Variants in OR52A5 observed in about 807,000 individuals in gnomAD.
The protein encoded by OR52A5 is olfactory receptor 52A5.
OR52A5 carries 16 observed loss-of-function variants against 18.2 expected under a neutral mutation model. The observed-to-expected ratio is 0.88, with a 90% CI of 0.60 to 1.34. The LOEUF is 1.34. Among genes scored for constraint, OR52A5 ranks in the 40% most tolerant of loss-of-function variants. The probability of loss-of-function intolerance (pLI) is 0.00; values close to 1 mark genes in which losing one functional copy is unlikely to be tolerated. For missense variants in OR52A5, 418 were observed against 383.0 expected (o/e 1.09, Z -0.76); for synonymous variants, 140 against 137.2 (o/e 1.02, Z -0.14).
intron 1 of OR52A5, among the ~76,000 whole-genome samples, chr11:5,134,097 C>A (rs1205573418): frequency 1.3e-5 from 2 of 152,156 alleles, no homozygotes; most frequent in Non-Finnish European, 2.9e-5. Context: ...TTCTCATCAT[C>A]CAAAGCTCAA....
chr11:5,136,982 G>T (rs565090405), intron 1 of OR52A5, among the ~76,000 whole-genome samples: 353 of 152,286 alleles, frequency 2.3e-3, no homozygotes, highest in African/African-American at 8.2e-3. Context: ...GAGAGCAAGG[G>T]CATAGTAAGA....
At position 5,132,490 on chromosome 11, in the gene OR52A5, G is replaced by A; in HGVS notation, c.153C>T (p.Ile51=). 1.2e-6 allele frequency: 2 copies of A among 1,614,112 alleles called. No homozygotes were observed. Among genetic ancestry groups the A allele is most frequent in the South Asian group, 2.2e-5 (2 of 91,068 alleles). ...VIGNSLILVI[I]KYENSLHIPM... ...GTATATGGAGGCTGTTTTCATATTT[G>A]ATTATAACTAAAATTAGGGAATTTC... Residue 51 remains isoleucine, a synonymous_variant, in exon 2 of 2, where the codon ATC becomes ATT. Coordinates refer to ENST00000307388, the MANE Select transcript of OR52A5 (RefSeq NM_001005160.3).
rs74051331 is a variant in OR52A5 at position 5,133,459 on chromosome 11, T to C, written c.-60-757A>G. 5.4e-3 allele frequency among the ~76,000 whole-genome samples: 809 copies of C among 149,986 alleles called. 11 individuals carry two copies. Among genetic ancestry groups the C allele is most frequent in the African/African-American group, 0.019 (773 of 41,128 alleles). On this transcript the variant is annotated intron_variant, in intron 1 of 1. Transcript: ENST00000307388. ...CAAGTTTGACTGAAATGTTCTTTAG[T>C]TTTGAAATCCACTGGCTGTTTTTTT...
Position 5,130,737 on chromosome 11 carries a change from T to C in OR52A5, c.*955A>G, listed in dbSNP as rs1846329111. 1.3e-5 allele frequency: 2 copies of C among 152,156 alleles called. No individual in the cohort carries two copies. Among genetic ancestry groups the C allele is most frequent in the Admixed American group, 6.5e-5 (1 of 15,278 alleles). The allele number at this position is 152,156 out of a possible 1,614,324, so 9.4% of individuals were successfully genotyped here. A position where few individuals can be genotyped will look rare whatever the true frequency, so the allele number is the denominator to read the frequency against. ...TTTTTTACATCAGAACGTTTTACCA[T>C]ATTATTTCTTTCTTTGACCATGCAT... On this transcript the variant is annotated 3_prime_UTR_variant, in exon 2 of 2. Coordinates refer to ENST00000307388, the MANE Select transcript of OR52A5 (RefSeq NM_001005160.3).
At chr11:5,135,988 T>C (rs1444975690) in intron 1 of OR52A5, among the ~76,000 whole-genome samples, 1 of 152,160 alleles carries the variant, frequency 6.6e-6, no homozygotes, top group South Asian at 2.1e-4. Flanking sequence ...TGGGCAATAA[T>C]CTCCAATTTG....
Position 5,131,826 on chromosome 11 carries a change from G to C in OR52A5, c.817C>G (p.Pro273Ala), listed in dbSNP as rs760100066. The change falls in exon 2 of 2, where the codon CCA becomes GCA. Residue 273 changes from proline (P) to alanine (A), a missense_variant. Physicochemically the swap from Pro to Ala is conservative, Grantham distance 27 (BLOSUM62 -1). Transcript: ENST00000307388. ...FTHRFGSHIP[P>A]YIHILLSNLY... Reference sequence around the variant, plus strand: ...TTTGACAAGAGGATATGAATATATGGTGGTATGTGTGAACCAAACCTGTGT... The same window carrying C: ...TTTGACAAGAGGATATGAATATATGCTGGTATGTGTGAACCAAACCTGTGT... 6.2e-7 allele frequency: 1 copy of C among 1,613,938 alleles called. No homozygotes were observed. The highest frequency in any genetic ancestry group is 1.1e-5 in the South Asian group (1 of 91,070).
In OR52A5 at chr11:5,131,645, G is replaced by C. The variant is rs780618058; in HGVS notation, c.*47C>G. On this transcript the variant is annotated 3_prime_UTR_variant, in exon 2 of 2. Transcript: ENST00000307388. The stretch of plus-strand genomic sequence containing the variant: ...GATCTGTGACTTTCATTATATTTAG[G>C]TTTTTACTTAGAACCAACCCTAAAT... 12 of 1,153,768 alleles carry C rather than the reference G, an allele frequency of 1.0e-5. No homozygotes were observed. In the South Asian group the frequency reaches 1.4e-4, roughly 14 times the overall value. 71.5% of individuals were successfully genotyped at this position (1,153,768 alleles called of 1,614,324 possible). A position where few individuals can be genotyped will look rare whatever the true frequency, so the allele number is the denominator to read the frequency against.
rs1388032476 is a variant in OR52A5 at position 5,129,736 on chromosome 11, T to C, written c.*1956A>G. 1 of 152,072 alleles carries C rather than the reference T, an allele frequency of 6.6e-6. No homozygotes were observed. Among genetic ancestry groups the C allele is most frequent in the Non-Finnish European group, 1.5e-5 (1 of 68,008 alleles). The allele number at this position is 152,072 out of a possible 1,614,324, so 9.4% of individuals were successfully genotyped here. On this transcript the variant is annotated 3_prime_UTR_variant, in exon 2 of 2. Transcript: ENST00000307388. ...CCCAGATCTTCAGCATGGAACAAAT[T>C]TGACCTGTAAAGAAGACCAAAAAGC...
At position 5,131,882 on chromosome 11, in the gene OR52A5, A is replaced by C. The variant is rs773395402; in HGVS notation, c.761T>G (p.Phe254Cys). 6.2e-7 allele frequency: 1 copy of C among 1,614,236 alleles called. No homozygotes were observed. The highest frequency in any genetic ancestry group is 8.5e-7 in the Non-Finnish European group (1 of 1,180,046). The change falls in exon 2 of 2, where the codon TTC becomes TGC. Residue 254 changes from phenylalanine to cysteine, a missense_variant. By Grantham distance (205) the Phe-to-Cys change is radical (BLOSUM62 -2). Coordinates refer to ENST00000307388, the MANE Select transcript of OR52A5 (RefSeq NM_001005160.3). Reference sequence around the variant, plus strand: ...GAAAGAGAAGAAGGCAAGAAGGTAGAACTGTAGGAAGACACAAATGTGGGC... The same window carrying C: ...GAAAGAGAAGAAGGCAAGAAGGTAGCACTGTAGGAAGACACAAATGTGGGC... ...CIAHICVFLQ[F>C]YLLAFFSFFT...
Position 5,132,106 on chromosome 11 carries a change from G to C in OR52A5, c.537C>G (p.His179Gln). 1 of 1,614,176 alleles carries C rather than the reference G, an allele frequency of 6.2e-7. No homozygotes were observed. Among genetic ancestry groups the C allele is most frequent in the Non-Finnish European group, 8.5e-7 (1 of 1,180,014 alleles). Residue 179 changes from histidine to glutamine, a missense_variant, in exon 2 of 2, where the codon CAC (histidine) becomes CAG (glutamine). By Grantham distance (24) the His-to-Gln change is conservative. Transcript: ENST00000307388. ...LKHYRTTVIS[H>Q]SYCEHMAIVK... ...CGATGGCCATGTGCTCACAGTAAGA[G>C]TGAGAGATGACTGTAGTTCGATAGT... is the stretch of plus-strand genomic sequence containing the variant.
rs1026873699 is a variant in OR52A5, at chr11:5,131,396, C to T, written c.*296G>A. ...TTTTGCATTCTCTCCTGTGTAAATTCCTTAGTGTTTATAGTCATTGGTTGC... is the reference window on the plus strand; with the variant it reads ...TTTTGCATTCTCTCCTGTGTAAATTTCTTAGTGTTTATAGTCATTGGTTGC... On this transcript the variant is annotated 3_prime_UTR_variant, in exon 2 of 2. Coordinates refer to ENST00000307388, the MANE Select transcript of OR52A5 (RefSeq NM_001005160.3). 2 of 182,338 alleles carry T rather than the reference C, an allele frequency of 1.1e-5. No individual in the cohort carries two copies. Among genetic ancestry groups the T allele is most frequent in the Non-Finnish European group, 2.3e-5 (2 of 85,788 alleles). 11.3% of individuals were successfully genotyped at this position (182,338 alleles called of 1,614,324 possible).
intron 1 of OR52A5, among the ~76,000 whole-genome samples, chr11:5,136,522 C>T (rs1233853572): frequency 6.6e-6 from 1 of 152,174 alleles, no homozygotes; most frequent in Non-Finnish European, 1.5e-5. Flanking sequence ...CCCTTGGATG[C>T]ATGAAGAGGG....
rs1846328785 is a variant in OR52A5, at chr11:5,130,712, T to A, written c.*980A>T. The A allele has an allele frequency of 6.6e-6, 1 of 152,116 alleles. No homozygotes were observed. The highest frequency in any genetic ancestry group is 1.5e-5 in the Non-Finnish European group (1 of 67,982). 9.4% of individuals were successfully genotyped at this position (152,116 alleles called of 1,614,324 possible). The stretch of plus-strand genomic sequence containing the variant: ...TATGTCTGCCTCTTGAATGATATGA[T>A]TTTTTACATCAGAACGTTTTACCAT... On this transcript the variant is annotated 3_prime_UTR_variant, in exon 2 of 2. Transcript: ENST00000307388.
intron 1 of OR52A5, among the ~76,000 whole-genome samples, chr11:5,136,931 A>G (rs1846397060): frequency 6.6e-6 from 1 of 152,242 alleles, no homozygotes; most frequent in East Asian, 1.9e-4. Flanking sequence ...CCTTTTAAAA[A>G]TTCTATCTGC....
chr11:5,134,971 G>A (rs896872445), intron 1 of OR52A5, among the ~76,000 whole-genome samples: 4 of 152,032 alleles, frequency 2.6e-5, no homozygotes, highest in African/African-American at 4.8e-5. Flanking sequence ...CCGGGTTCAC[G>A]CCATTCTCCT....
Position 5,128,959 on chromosome 11 carries a change from T to C in OR52A5, c.*2733A>G, listed in dbSNP as rs1846310905. 1 of 152,076 alleles carries C rather than the reference T, an allele frequency of 6.6e-6. No individual in the cohort carries two copies. Among genetic ancestry groups the C allele is most frequent in the African/African-American group, 2.4e-5 (1 of 41,426 alleles). 9.4% of individuals were successfully genotyped at this position (152,076 alleles called of 1,614,324 possible). ...AATCATCAAATTGCATACTTTAAAA[T>C]TGCAAATATTATGGCATGTGAATTC... is the stretch of plus-strand genomic sequence containing the variant. On this transcript the variant is annotated 3_prime_UTR_variant, in exon 2 of 2. Transcript: ENST00000307388.
rs552701207 is a variant in OR52A5 at position 5,132,164 on chromosome 11, G to T, written c.479C>A (p.Pro160His). ...ACAGCATTTGATGAGCCCTAAGGAA[G>T]GTATTATAAGAATGGCAGCCCTGAG... ...VTLRAAILII[P>H]SLGLIKCCLK... The change falls in exon 2 of 2, where the codon CCT becomes CAT. Residue 160 changes from proline (P) to histidine (H), a missense_variant. Transcript: ENST00000307388. 1 of 1,614,116 alleles carries T rather than the reference G, an allele frequency of 6.2e-7. No individual in the cohort carries two copies. The highest frequency in any genetic ancestry group is 8.5e-7 in the Non-Finnish European group (1 of 1,180,000).
chr11:5,134,800 C>G (rs2499951), intron 1 of OR52A5, among the ~76,000 whole-genome samples: 26,251 of 151,848 alleles, frequency 0.17, 2,857 homozygotes, highest in East Asian at 0.37. Context: ...AGTAAATACA[C>G]TTGGATCAAA....
In OR52A5 at chr11:5,131,736, G is replaced by T. The variant is rs74051330; in HGVS notation, c.907C>A (p.Arg303Ser). 2 of 1,613,754 alleles carry T rather than the reference G, an allele frequency of 1.2e-6. No homozygotes were observed. The highest frequency in any genetic ancestry group is 2.2e-5 in the East Asian group (1 of 44,864). Residue 303 changes from arginine to serine, a missense_variant, in exon 2 of 2, where the codon CGT becomes AGT. By Grantham distance (110) the Arg-to-Ser change is moderately radical (BLOSUM62 -1). Coordinates refer to ENST00000307388, the MANE Select transcript of OR52A5 (RefSeq NM_001005160.3). ...IVYGVKTKQI[R>S]DHIVKVFFFK... ...AAAAACACTTTCACAATATGGTCAC[G>T]AATTTGCTTGGTCTTCACTCCATAG...
Sources: gnomAD v4.1 joint callset for allele counts (sites outside exome capture counted in the v4.1 genomes callset) on GRCh38, gnomAD v4.1.1 for gene constraint, MANE v1.5 for transcripts, NCBI Gene and HGNC (gene_info 2026-07-23, HGNC 2026-07-21) for gene names.